The following B3GNT4 variants were observed in gnomAD, a reference collection of about 807,000 sequenced individuals.
B3GNT4 encodes N-acetyllactosaminide beta-1,3-N-acetylglucosaminyltransferase 4.
In B3GNT4, 2 loss-of-function variants were observed where a neutral mutation model predicts 2.7. That is an observed-to-expected ratio of 0.73 (90% CI 0.30 to 2.31). The LOEUF is 2.31. Ranked by LOEUF, B3GNT4 falls within the 30% of genes most tolerant of loss-of-function variation. B3GNT4 has a pLI of 0.12. For synonymous variants in B3GNT4, 280 were observed against 203.4 expected, an observed-to-expected ratio of 1.38 and a Z score of -3.20; for missense variants, 708 against 490.9, an observed-to-expected ratio of 1.44 and a Z score of -4.18.
Position 122,206,874 on chromosome 12 carries a change from G to GC in B3GNT4, c.628dup (p.Gln210ProfsTer10), listed in dbSNP as rs768355359. On this transcript the variant is annotated frameshift_variant, in exon 3 of 3. Coordinates refer to ENST00000324189, the MANE Select transcript of B3GNT4 (RefSeq NM_030765.4). LOFTEE classifies it low-confidence loss of function (END_TRUNC). Reference sequence around the variant, plus strand: ...CTGCAGCGCTGGGTGGTGGCTGCCTGCCCCCAGGCCCATTTCATGCTAAAG... The same window carrying GC: ...CTGCAGCGCTGGGTGGTGGCTGCCTGCCCCCCAGGCCCATTTCATGCTAAAG... 2 of 1,613,908 alleles carry GC rather than the reference G, an allele frequency of 1.2e-6. No homozygotes were observed. The highest frequency in any genetic ancestry group is 1.7e-5 in the Admixed American group (1 of 60,014).
Position 122,208,289 on chromosome 12 carries a change from G to T in B3GNT4, c.*901G>T. 4 of 1,474,464 alleles carry T rather than the reference G, an allele frequency of 2.7e-6. No homozygotes were observed. Among genetic ancestry groups the T allele is most frequent in the African/African-American group, 1.4e-5 (1 of 72,114 alleles). 91.3% of individuals were successfully genotyped at this position (1,474,464 alleles called of 1,614,324 possible). A position where few individuals can be genotyped will look rare whatever the true frequency, so the allele number is the denominator to read the frequency against. Reference sequence around the variant, plus strand: ...AGGGCAGGATCTGCCGCCTCTTCTCGGTGCACAGACAGTCATGCCAACCCT... The same window carrying T: ...AGGGCAGGATCTGCCGCCTCTTCTCTGTGCACAGACAGTCATGCCAACCCT... On this transcript the variant is annotated 3_prime_UTR_variant, in exon 3 of 3. Coordinates refer to ENST00000324189, the MANE Select transcript of B3GNT4 (RefSeq NM_030765.4).
Position 122,208,652 on chromosome 12 carries a change from G to A in B3GNT4, c.*1264G>A, listed in dbSNP as rs1953999317. ...GGCTCATGTGGACGTTGGCCTGGGG[G>A]TGCTGTGGCTGTCATCTGAACCCCT... On this transcript the variant is annotated 3_prime_UTR_variant, in exon 3 of 3. Coordinates refer to ENST00000324189, the MANE Select transcript of B3GNT4 (RefSeq NM_030765.4). The A allele has an allele frequency of 6.7e-7, 1 of 1,493,054 alleles. No individual in the cohort carries two copies. The highest frequency in any genetic ancestry group is 9.1e-7 in the Non-Finnish European group (1 of 1,095,518). 92.5% of individuals were successfully genotyped at this position (1,493,054 alleles called of 1,614,324 possible).
At position 122,207,800 on chromosome 12, in the gene B3GNT4, T is replaced by C. The variant is rs1566018554; in HGVS notation, c.*412T>C. The C allele has an allele frequency of 2.1e-6, 1 of 466,618 alleles. No homozygotes were observed. Among genetic ancestry groups the C allele is most frequent in the South Asian group, 1.5e-5 (1 of 64,586 alleles). The allele number at this position is 466,618 out of a possible 1,614,324, so 28.9% of individuals were successfully genotyped here. A position where few individuals can be genotyped will look rare whatever the true frequency, so the allele number is the denominator to read the frequency against. On this transcript the variant is annotated 3_prime_UTR_variant, in exon 3 of 3. Transcript: ENST00000324189. ...TAAGTCCTGTTGATGTTAAGTCCTGTTGAGAGCACCAGGTAAACACTCTGC... is the reference window on the plus strand; with the variant it reads ...TAAGTCCTGTTGATGTTAAGTCCTGCTGAGAGCACCAGGTAAACACTCTGC...
At chr12:122,204,471 C>A in intron 1 of B3GNT4, 51 bp from the exon 2 acceptor site, 2 of 718,332 alleles carry the variant, frequency 2.8e-6, no homozygotes, top group Non-Finnish European at 4.9e-6. Flanking sequence ...ACCTGCTGTG[C>A]GCCCTTCTCG....
intron 2 of B3GNT4, 194 bp from the exon 3 acceptor site, chr12:122,206,124 G>C: frequency 1.9e-6 from 1 of 517,178 alleles, no homozygotes; most frequent in Non-Finnish European, 3.3e-6. Flanking sequence ...AGGAGGGCAA[G>C]GGCTGGCAAA....
At chr12:122,206,202 TA>T in intron 2 of B3GNT4, 115 bp from the exon 3 acceptor site, 1 of 807,220 alleles carries the variant, frequency 1.2e-6, no homozygotes, top group South Asian at 1.9e-5. Context: ...ACGCTGAGAA[TA>T]AAAAGTCCAG....
At position 122,208,003 on chromosome 12, in the gene B3GNT4, AT is replaced by A. The variant is rs1953967741; in HGVS notation, c.*620del. ...CAACAGAGGGAACAAGTACTAAATCATTTTTGACGACGTAAATAAGACTGAA... is the reference window on the plus strand; with the variant it reads ...CAACAGAGGGAACAAGTACTAAATCATTTTGACGACGTAAATAAGACTGAA... On this transcript the variant is annotated 3_prime_UTR_variant, in exon 3 of 3. Transcript: ENST00000324189. The A allele has an allele frequency of 2.1e-6, 1 of 482,916 alleles. No individual in the cohort carries two copies. The allele number at this position is 482,916 out of a possible 1,614,324, so 29.9% of individuals were successfully genotyped here. A position where few individuals can be genotyped will look rare whatever the true frequency, so the allele number is the denominator to read the frequency against.
chr12:122,203,721 C>CG lies in B3GNT4; in HGVS notation c.-177dup. The stretch of plus-strand genomic sequence containing the variant: ...AGAAGCCCCGCCCACTCCCGAGCCC[C>CG]GAGAGCTCCGCGCACCTGGGCGCCA... On this transcript the variant is annotated 5_prime_UTR_variant, in exon 1 of 3. Transcript: ENST00000324189. 1 of 288,724 alleles carries CG rather than the reference C, an allele frequency of 3.5e-6. No individual in the cohort carries two copies. Among genetic ancestry groups the CG allele is most frequent in the East Asian group, 5.9e-5 (1 of 16,824 alleles). 17.9% of individuals were successfully genotyped at this position (288,724 alleles called of 1,614,324 possible). A position where few individuals can be genotyped will look rare whatever the true frequency, so the allele number is the denominator to read the frequency against.
rs1457853746 is a variant in B3GNT4, at chr12:122,207,783, G to A, written c.*395G>A. ...GAACAAGAGGCCTGTGTTAAGTCCTGTTGATGTTAAGTCCTGTTGAGAGCA... is the reference window on the plus strand; with the variant it reads ...GAACAAGAGGCCTGTGTTAAGTCCTATTGATGTTAAGTCCTGTTGAGAGCA... On this transcript the variant is annotated 3_prime_UTR_variant, in exon 3 of 3. Transcript: ENST00000324189. 2 of 470,126 alleles carry A rather than the reference G, an allele frequency of 4.3e-6. No individual in the cohort carries two copies. The highest frequency in any genetic ancestry group is 1.3e-4 in the East Asian group (2 of 15,142). The allele number at this position is 470,126 out of a possible 1,614,324, so 29.1% of individuals were successfully genotyped here. A position where few individuals can be genotyped will look rare whatever the true frequency, so the allele number is the denominator to read the frequency against.
Position 122,208,065 on chromosome 12 carries a change from C to G in B3GNT4, c.*677C>G, listed in dbSNP as rs553469294. ...ACAGTTGCTGAACTTAAGGGCATGACAAAAAGGACTCCTCTCTCTGACCCA... is the reference window on the plus strand; with the variant it reads ...ACAGTTGCTGAACTTAAGGGCATGAGAAAAAGGACTCCTCTCTCTGACCCA... On this transcript the variant is annotated 3_prime_UTR_variant, in exon 3 of 3. Coordinates refer to ENST00000324189, the MANE Select transcript of B3GNT4 (RefSeq NM_030765.4). 55 of 582,882 alleles carry G rather than the reference C, an allele frequency of 9.4e-5. No individual in the cohort carries two copies. Among genetic ancestry groups the G allele is most frequent in the African/African-American group, 8.6e-4 (47 of 54,458 alleles). The allele number at this position is 582,882 out of a possible 1,614,324, so 36.1% of individuals were successfully genotyped here. A position where few individuals can be genotyped will look rare whatever the true frequency, so the allele number is the denominator to read the frequency against.
Position 122,208,247 on chromosome 12 carries a change from G to A in B3GNT4, c.*859G>A, listed in dbSNP as rs547767959. 60 of 1,048,754 alleles carry A rather than the reference G, an allele frequency of 5.7e-5. No individual in the cohort carries two copies. The highest frequency in any genetic ancestry group is 1.7e-4 in the African/African-American group (11 of 63,342). The allele number at this position is 1,048,754 out of a possible 1,614,324, so 65.0% of individuals were successfully genotyped here. A position where few individuals can be genotyped will look rare whatever the true frequency, so the allele number is the denominator to read the frequency against. ...GGAGGCACTCACAGCTCACAAAGGCGTCTCGCCTGATTGGCCAGGGCAGGA... is the reference window on the plus strand; with the variant it reads ...GGAGGCACTCACAGCTCACAAAGGCATCTCGCCTGATTGGCCAGGGCAGGA... On this transcript the variant is annotated 3_prime_UTR_variant, in exon 3 of 3. Transcript: ENST00000324189.
chr12:122,207,220 T>G lies in B3GNT4; in HGVS notation c.969T>G (p.Ala323=), dbSNP rs144932299. ...RRLGLSPMHH[A]GFKTFGIRRP... is the part of the protein sequence containing the mutation. Reference sequence around the variant, plus strand: ...TGGGGCTGAGCCCTATGCACCATGCTGGCTTCAAGACATTTGGAATCCGGC... The same window carrying G: ...TGGGGCTGAGCCCTATGCACCATGCGGGCTTCAAGACATTTGGAATCCGGC... Residue 323 remains alanine (A), a synonymous_variant, in exon 3 of 3, where the codon GCT becomes GCG. Transcript: ENST00000324189. 8 of 1,614,120 alleles carry G rather than the reference T, an allele frequency of 5.0e-6. No individual in the cohort carries two copies. Among genetic ancestry groups the G allele is most frequent in the Non-Finnish European group, 5.9e-6 (7 of 1,180,022 alleles).
In B3GNT4 at chr12:122,208,842, T is replaced by C. The variant is rs1954006736; in HGVS notation, c.*1454T>C. 2 of 575,450 alleles carry C rather than the reference T, an allele frequency of 3.5e-6. No homozygotes were observed. The highest frequency in any genetic ancestry group is 3.7e-5 in the African/African-American group (2 of 54,330). 35.6% of individuals were successfully genotyped at this position (575,450 alleles called of 1,614,324 possible). A position where few individuals can be genotyped will look rare whatever the true frequency, so the allele number is the denominator to read the frequency against. On this transcript the variant is annotated 3_prime_UTR_variant, in exon 3 of 3. Coordinates refer to ENST00000324189, the MANE Select transcript of B3GNT4 (RefSeq NM_030765.4). ...TTAAATGCAACTCTCACAATCATCT[T>C]TATAGCTACAGAGCTTTTAGTACAG...
Position 122,208,420 on chromosome 12 carries a change from C to A in B3GNT4, c.*1032C>A. On this transcript the variant is annotated 3_prime_UTR_variant, in exon 3 of 3. Transcript: ENST00000324189. ...GGTAGGCCTCCTGCTCCGACTCAGC[C>A]CGCTCCTCCCCTTCCTCCTGTGTTT... 6.2e-7 allele frequency: 1 copy of A among 1,613,484 alleles called. No homozygotes were observed. Among genetic ancestry groups the A allele is most frequent in the Admixed American group, 1.7e-5 (1 of 60,024 alleles).
In B3GNT4 at chr12:122,208,351, G is replaced by GT. The variant is rs1467626098; in HGVS notation, c.*964dup. On this transcript the variant is annotated 3_prime_UTR_variant, in exon 3 of 3. Transcript: ENST00000324189. The stretch of plus-strand genomic sequence containing the variant: ...CATCTGCCCCTGCTTTCCCCACTGA[G>GT]TGGGGAGACAGGGCAGTGTGCTCAG... 4.3e-6 allele frequency: 7 copies of GT among 1,609,818 alleles called. No individual in the cohort carries two copies. Among genetic ancestry groups the GT allele is most frequent in the Non-Finnish European group, 5.1e-6 (6 of 1,179,662 alleles).
At chr12:122,206,257 C>T in intron 2 of B3GNT4, 61 bp from the exon 3 acceptor site, 7 of 1,403,288 alleles carry the variant, frequency 5.0e-6, no homozygotes, top group Non-Finnish European at 6.7e-6. Flanking sequence ...TTAACTCCTG[C>T]CCAACTCTTG....
chr12:122,208,745 G>C lies in B3GNT4; in HGVS notation c.*1357G>C, dbSNP rs1368840394. The C allele has an allele frequency of 2.7e-6, 2 of 734,448 alleles. No homozygotes were observed. Among genetic ancestry groups the C allele is most frequent in the African/African-American group, 1.7e-5 (1 of 57,730 alleles). The allele number at this position is 734,448 out of a possible 1,614,324, so 45.5% of individuals were successfully genotyped here. On this transcript the variant is annotated 3_prime_UTR_variant, in exon 3 of 3. Coordinates refer to ENST00000324189, the MANE Select transcript of B3GNT4 (RefSeq NM_030765.4). ...AAAGAAACTTCCACCTCTATGTTCA[G>C]GTCTGGATTTAACTGACACTCTGTC...
intron 2 of B3GNT4, 169 bp from the exon 3 acceptor site, chr12:122,206,149 C>T (rs907783888): frequency 3.5e-6 from 2 of 570,070 alleles, no homozygotes; most frequent in Admixed American, 3.4e-5. Flanking sequence ...CTGTGCTTAG[C>T]CCATCCTCAG....
At position 122,208,272 on chromosome 12, in the gene B3GNT4, A is replaced by C. The variant is rs1593164056; in HGVS notation, c.*884A>C. 5.3e-6 allele frequency: 7 copies of C among 1,330,334 alleles called. No individual in the cohort carries two copies. Among genetic ancestry groups the C allele is most frequent in the Non-Finnish European group, 7.4e-6 (7 of 941,582 alleles). The allele number at this position is 1,330,334 out of a possible 1,614,324, so 82.4% of individuals were successfully genotyped here. A position where few individuals can be genotyped will look rare whatever the true frequency, so the allele number is the denominator to read the frequency against. ...GTCTCGCCTGATTGGCCAGGGCAGG[A>C]TCTGCCGCCTCTTCTCGGTGCACAG... On this transcript the variant is annotated 3_prime_UTR_variant, in exon 3 of 3. Transcript: ENST00000324189.
Sources: gnomAD v4.1 joint callset for allele counts on GRCh38, gnomAD v4.1.1 for gene constraint, MANE v1.5 for transcripts, NCBI Gene and HGNC (gene_info 2026-07-23, HGNC 2026-07-21) for gene names.